Variants in NAMPT observed in about 807,000 individuals in gnomAD.
NAMPT encodes nicotinamide phosphoribosyltransferase.
In NAMPT, 7 loss-of-function variants were observed where a neutral mutation model predicts 58.7. The observed-to-expected ratio is 0.12, with a 90% CI of 0.07 to 0.22. The LOEUF (loss-of-function observed/expected upper bound fraction) is 0.22, where lower values mean the gene tolerates loss of function less well. Ranked by LOEUF, NAMPT falls within the 10% of genes least tolerant of loss-of-function variation. The probability of loss-of-function intolerance (pLI) is 1.00; values close to 1 mark genes in which losing one functional copy is unlikely to be tolerated. For synonymous variants in NAMPT, 145 were observed against 198.1 expected (o/e 0.73, Z 2.25); for missense variants, 271 against 567.9 (o/e 0.48, Z 5.31).
chr7:106,272,196 C>T (rs570011078), intron 4 of NAMPT: 4 of 285,280 alleles, frequency 1.4e-5, no homozygotes, highest in South Asian at 6.5e-5. Context: ...CATCGAATGT[C>T]GTAAGTTACT....
At chr7:106,251,606 A>G (rs1443661892) in intron 10 of NAMPT, among the ~76,000 whole-genome samples, 1 of 152,122 alleles carries the variant, frequency 6.6e-6, no homozygotes, top group African/African-American at 2.4e-5. Flanking sequence ...CAAACTCAAC[A>G]GTGATTAAAC....
chr7:106,255,723 T>C (rs555168699), intron 8 of NAMPT, among the ~76,000 whole-genome samples: 1 of 152,296 alleles, frequency 6.6e-6, no homozygotes, highest in South Asian at 2.1e-4. Context: ...CTCATGTCTT[T>C]ATTGTACCTG....
At chr7:106,277,555 T>C (rs1450756849) in intron 1 of NAMPT, among the ~76,000 whole-genome samples, 2 of 152,212 alleles carry the variant, frequency 1.3e-5, no homozygotes, top group East Asian at 3.8e-4. Flanking sequence ...AATTTGGTAC[T>C]GCTAATATCT....
At chr7:106,254,754 C>T (rs368372949) in intron 8 of NAMPT, among the ~76,000 whole-genome samples, 27 of 152,008 alleles carry the variant, frequency 1.8e-4, no homozygotes, top group South Asian at 1.0e-3. Flanking sequence ...TGGTAGGATT[C>T]GGGGAGTGAA....
rs963531861 is a variant in NAMPT at position 106,248,579 on chromosome 7, T to TA, written c.*2503dup. On this transcript the variant is annotated 3_prime_UTR_variant, in exon 11 of 11. Coordinates refer to ENST00000222553, the MANE Select transcript of NAMPT (RefSeq NM_005746.3). ...AAGAAGGGAAAACAAGGGATACTCA[T>TA]AAAAAACATTTTACTTTAATTATAG... 4.1e-4 allele frequency: 63 copies of TA among 152,280 alleles called. 1 individual carries two copies. The highest frequency in any genetic ancestry group is 1.4e-3 in the African/African-American group (60 of 41,546). 9.4% of individuals were successfully genotyped at this position (152,280 alleles called of 1,614,324 possible).
chr7:106,264,375 T>C (rs924019484), intron 6 of NAMPT, among the ~76,000 whole-genome samples: 8 of 152,076 alleles, frequency 5.3e-5, no homozygotes, highest in Non-Finnish European at 7.4e-5. Context: ...TCTTACGGGA[T>C]AGATTTGTAT....
chr7:106,255,647 G>A (rs1323647699), intron 8 of NAMPT, among the ~76,000 whole-genome samples: 1 of 152,114 alleles, frequency 6.6e-6, no homozygotes, highest in South Asian at 2.1e-4. Flanking sequence ...GAATCTAGAA[G>A]AATCAAGATG....
chr7:106,282,235 C>G (rs73720638), intron 1 of NAMPT, among the ~76,000 whole-genome samples: 10,243 of 152,034 alleles, frequency 0.067, 539 homozygotes, highest in African/African-American at 0.15. Context: ...TGAAAAAAAG[C>G]TGCCTTGAAT....
rs577876641 is a variant in NAMPT at position 106,280,197 on chromosome 7, G to C, written c.58-3018C>G. On this transcript the variant is annotated intron_variant, in intron 1 of 10. Coordinates refer to ENST00000222553, the MANE Select transcript of NAMPT (RefSeq NM_005746.3). ...AGTTAGGGGCTATTAGGTTAGATGG[G>C]AGAATTTGCCCAGTGTTTTTGGAGG... is the stretch of plus-strand genomic sequence containing the variant. Among the ~76,000 whole-genome samples the C allele has an allele frequency of 3.3e-5, 5 of 152,292 alleles. No homozygotes were observed. The East Asian group carries it at 9.6e-4, about 29-fold the overall frequency.
intron 7 of NAMPT, 199 bp downstream of exon 7, chr7:106,263,193 A>T (rs1380056576): frequency 1.9e-6 from 1 of 535,140 alleles, no homozygotes; most frequent in Admixed American, 3.5e-5. Flanking sequence ...ACAGTAAAAC[A>T]ATCCATAAGT....
intron 8 of NAMPT, among the ~76,000 whole-genome samples, chr7:106,255,202 A>T (rs1792179243): frequency 6.6e-6 from 1 of 152,224 alleles, no homozygotes; most frequent in Non-Finnish European, 1.5e-5. Flanking sequence ...CAAGGGACAT[A>T]CAACTTTAAA....
chr7:106,283,882 CTA>C (rs1213971656), intron 1 of NAMPT, among the ~76,000 whole-genome samples: 1 of 152,152 alleles, frequency 6.6e-6, no homozygotes, highest in Non-Finnish European at 1.5e-5. Flanking sequence ...CATGAGAGTA[CTA>C]TGTTTTACCA....
At chr7:106,285,401 G>T, upstream of NAMPT, 2 of 487,646 alleles carry the variant, frequency 4.1e-6, no homozygotes, top group Non-Finnish European at 5.4e-6. Context: ...CGAGGAGCCG[G>T]TTCGCCCGCC....
intron 8 of NAMPT, 35 bp from the exon 9 acceptor site, chr7:106,254,539 C>A: frequency 6.2e-7 from 1 of 1,601,218 alleles, no homozygotes; most frequent in South Asian, 1.1e-5. Context: ...CCAAACCAAA[C>A]CTTAATTTGG....
intron 7 of NAMPT, 30 bp from the exon 8 acceptor site, chr7:106,261,737 A>G (rs375270760): frequency 5.8e-5 from 92 of 1,590,846 alleles, no homozygotes; most frequent in Non-Finnish European, 7.4e-5. Flanking sequence ...TGCAACACAA[A>G]TAACTAAAGC....
At chr7:106,253,364 C>A in intron 9 of NAMPT, 1 of 496,310 alleles carries the variant, frequency 2.0e-6, no homozygotes, top group African/African-American at 1.9e-5. Flanking sequence ...AGTATGACAT[C>A]TTGGATATCC....
chr7:106,262,840 A>G (rs1288706840), intron 7 of NAMPT, among the ~76,000 whole-genome samples: 1 of 151,982 alleles, frequency 6.6e-6, no homozygotes, highest in Non-Finnish European at 1.5e-5. Flanking sequence ...ATATTTTTCT[A>G]GTAGTAGGCA....
chr7:106,265,945 A>G (rs551563106), intron 6 of NAMPT, among the ~76,000 whole-genome samples: 2 of 152,238 alleles, frequency 1.3e-5, no homozygotes, highest in Admixed American at 6.5e-5. Flanking sequence ...CTAAATTTAT[A>G]GAGTTCTCTT....
upstream of NAMPT, chr7:106,285,090 T>G (rs1016963840): frequency 1.5e-5 from 20 of 1,351,008 alleles, no homozygotes; most frequent in Non-Finnish European, 1.9e-5. Context: ...CTGCGGCGGC[T>G]CGCGTGCTCG....
Sources: gnomAD v4.1 joint callset for allele counts (sites outside exome capture counted in the v4.1 genomes callset) on GRCh38, gnomAD v4.1.1 for gene constraint, MANE v1.5 for transcripts, NCBI Gene and HGNC (gene_info 2026-07-23, HGNC 2026-07-21) for gene names.